Variants in ZNF423 observed in about 807,000 individuals in gnomAD.
ZNF423 encodes the protein zinc finger protein 423.
In ZNF423, 12 loss-of-function variants were observed where a neutral mutation model predicts 95.8. That is an observed-to-expected ratio of 0.13 (90% CI 0.08 to 0.20). The LOEUF (loss-of-function observed/expected upper bound fraction) is 0.20. ZNF423 is among the 10% of genes least tolerant of loss of function. The probability of loss-of-function intolerance (pLI) is 1.00; values close to 1 mark genes in which losing one functional copy is unlikely to be tolerated. For missense variants in ZNF423, 1,316 were observed against 1,737.1 expected, an observed-to-expected ratio of 0.76 and a Z score of 4.31; for synonymous variants, 749 against 711.9, an observed-to-expected ratio of 1.05 and a Z score of -0.83.
Position 49,488,923 on chromosome 16 carries a change from G to C in ZNF423, c.*2352C>G, listed in dbSNP as rs540700841. 1 of 152,602 alleles carries C rather than the reference G, an allele frequency of 6.6e-6. No homozygotes were observed. Among genetic ancestry groups the C allele is most frequent in the African/African-American group, 2.4e-5 (1 of 41,438 alleles). The allele number at this position is 152,602 out of a possible 1,614,324, so 9.5% of individuals were successfully genotyped here. On this transcript the variant is annotated 3_prime_UTR_variant, in exon 8 of 8. Coordinates refer to ENST00000563137, the MANE Select transcript of ZNF423 (RefSeq NM_001379286.1). Reference sequence around the variant, plus strand: ...GAGCCAGCCGGAGAACAATGCGGCCGGGGTGAGGGGGGAGTCGGTGGGGTT... The same window carrying C: ...GAGCCAGCCGGAGAACAATGCGGCCCGGGTGAGGGGGGAGTCGGTGGGGTT...
chr16:49,794,732 A>T (rs1268017666), intron 1 of ZNF423, among the ~76,000 whole-genome samples: 1 of 152,150 alleles, frequency 6.6e-6, no homozygotes, highest in African/African-American at 2.4e-5. Flanking sequence ...GCTAACCCGA[A>T]CACCTCTCAT....
chr16:49,596,731 G>GGA (rs1971189528), intron 5 of ZNF423, among the ~76,000 whole-genome samples: 1 of 152,168 alleles, frequency 6.6e-6, no homozygotes, highest in African/African-American at 2.4e-5. Context: ...CGTGGCTGCA[G>GGA]GAGAGAGACA....
chr16:49,635,490 G>T lies in ZNF423; in HGVS notation c.3516+170C>A, dbSNP rs1972655509. On this transcript the variant is annotated intron_variant, in intron 4 of 7. Coordinates refer to ENST00000563137, the MANE Select transcript of ZNF423 (RefSeq NM_001379286.1). The surrounding 1 kb of genome is among the most constrained non-coding windows in gnomAD (Gnocchi z 4.8). ...CCATCACATGGCTGGAAAGGCAATG[G>T]CAGTGCTGAGGTTCAAACTCAAGGA... Among the ~76,000 whole-genome samples the T allele has an allele frequency of 6.6e-6, 1 of 152,220 alleles. No individual in the cohort carries two copies. The highest frequency in any genetic ancestry group is 2.1e-4 in the South Asian group (1 of 4,822).
chr16:49,700,217 A>C (rs1288539142), intron 3 of ZNF423, among the ~76,000 whole-genome samples: 1 of 128,514 alleles, frequency 7.8e-6, no homozygotes, highest in Admixed American at 7.8e-5. Flanking sequence ...AAAAAAAAAA[A>C]CAAGAAGAAG....
intron 7 of ZNF423, among the ~76,000 whole-genome samples, chr16:49,505,824 C>A (rs542102001): frequency 6.6e-6 from 1 of 152,270 alleles, no homozygotes; most frequent in South Asian, 2.1e-4. Context: ...AATGCTGTGG[C>A]CTGGCCTCAA....
intron 4 of ZNF423, among the ~76,000 whole-genome samples, chr16:49,634,706 G>A (rs1016198975): frequency 3.9e-5 from 6 of 152,124 alleles, no homozygotes; most frequent in Non-Finnish European, 5.9e-5. Flanking sequence ...GCACCTCCTT[G>A]GTCTGGAAAC....
At chr16:49,557,830 C>G (rs947206765) in intron 5 of ZNF423, among the ~76,000 whole-genome samples, 1 of 152,200 alleles carries the variant, frequency 6.6e-6, no homozygotes, top group Non-Finnish European at 1.5e-5. Flanking sequence ...TCCTGAGCCC[C>G]CTTGGTTCCA....
At chr16:49,765,290 T>A (rs1291027523) in intron 2 of ZNF423, among the ~76,000 whole-genome samples, 1 of 152,160 alleles carries the variant, frequency 6.6e-6, no homozygotes, top group Non-Finnish European at 1.5e-5. Context: ...TTTGGGAAGA[T>A]GAAAACTTTC....
chr16:49,669,529 G>T (rs1415168607), intron 3 of ZNF423, among the ~76,000 whole-genome samples: 1 of 152,116 alleles, frequency 6.6e-6, no homozygotes, highest in Admixed American at 6.5e-5. Flanking sequence ...GCAGGCAGCC[G>T]ACAGGGCAGC....
At chr16:49,640,682 C>T (rs1972945715) in intron 3 of ZNF423, 2 of 152,112 alleles carry the variant, frequency 1.3e-5, no homozygotes, top group East Asian at 1.9e-4. Context: ...TGCGGCTCTC[C>T]GAAGCTCGCA....
At chr16:49,810,852 C>A (rs577459797) in intron 1 of ZNF423, among the ~76,000 whole-genome samples, 1 of 152,278 alleles carries the variant, frequency 6.6e-6, no homozygotes, top group African/African-American at 2.4e-5. Flanking sequence ...GGACCTGGGG[C>A]ATGTCTGAGT....
chr16:49,706,180 T>A (rs2143051992), intron 3 of ZNF423, among the ~76,000 whole-genome samples: 1 of 152,204 alleles, frequency 6.6e-6, no homozygotes, highest in East Asian at 1.9e-4. Context: ...AAAATGAATT[T>A]TGGTCTCATG....
At chr16:49,628,567 A>G (rs867572958) in intron 4 of ZNF423, among the ~76,000 whole-genome samples, 65 of 152,156 alleles carry the variant, frequency 4.3e-4, no homozygotes, top group East Asian at 4.1e-3. Context: ...CCATCCATCT[A>G]TCTATCTATT....
chr16:49,562,911 TG>T (rs1166063257), intron 5 of ZNF423, among the ~76,000 whole-genome samples: 3 of 152,096 alleles, frequency 2.0e-5, no homozygotes, highest in African/African-American at 7.2e-5. Context: ...CCCGAGTAGT[TG>T]GGACTACAGG....
At chr16:49,707,004 A>C (rs2032373316) in intron 3 of ZNF423, among the ~76,000 whole-genome samples, 1 of 152,160 alleles carries the variant, frequency 6.6e-6, no homozygotes, top group Non-Finnish European at 1.5e-5. Context: ...CACACACCGG[A>C]TCCTGTCACC....
chr16:49,666,997 T>G (rs1377885669), intron 3 of ZNF423, among the ~76,000 whole-genome samples: 1 of 151,974 alleles, frequency 6.6e-6, no homozygotes, highest in Non-Finnish European at 1.5e-5. Flanking sequence ...GACCTCAAAT[T>G]CCCTTCCCAT....
Position 49,780,307 on chromosome 16 carries a change from A to G in ZNF423, c.100+9180T>C, listed in dbSNP as rs2034189188. ...CCCAAGGCTGGTGCAGAGCCAGAGG[A>G]AAAGGGTGGGCAGGAAATGCCACCT... On this transcript the variant is annotated intron_variant, in intron 2 of 7. Transcript: ENST00000563137. 3.3e-5 allele frequency among the ~76,000 whole-genome samples: 5 copies of G among 152,312 alleles called. 1 individual carries two copies. In the South Asian group the frequency reaches 1.0e-3, roughly 32 times the overall value.
chr16:49,795,416 C>G (rs565805455), intron 1 of ZNF423, among the ~76,000 whole-genome samples: 61 of 152,228 alleles, frequency 4.0e-4, no homozygotes, highest in Non-Finnish European at 6.9e-4. Flanking sequence ...GCACAAACCA[C>G]TCCTGCCTGG....
intron 2 of ZNF423, among the ~76,000 whole-genome samples, chr16:49,742,968 T>TC (rs2033445907): frequency 6.6e-6 from 1 of 152,060 alleles, no homozygotes; most frequent in Admixed American, 6.6e-5. Flanking sequence ...CGCTGTGCAT[T>TC]CCGGGCAAGG....
Sources: gnomAD v4.1 joint callset for allele counts (sites outside exome capture counted in the v4.1 genomes callset) on GRCh38, gnomAD v4.1.1 for gene constraint, Gnocchi (gnomAD v3.1) non-coding constraint, MANE v1.5 for transcripts, NCBI Gene and HGNC (gene_info 2026-07-23, HGNC 2026-07-21) for gene names.